Variants in ASPH observed in about 807,000 individuals in gnomAD.
ASPH encodes aspartate beta-hydroxylase, also known as aspartyl/asparaginyl beta-hydroxylase.
In ASPH, 100 loss-of-function variants were observed where a neutral mutation model predicts 118.4. The observed-to-expected ratio is 0.84, with a 90% CI of 0.72 to 1.00. The LOEUF (loss-of-function observed/expected upper bound fraction) is 1.00. ASPH is among the 50% of genes least tolerant of loss of function. The pLI is 0.00. For missense variants in ASPH, 920 were observed against 919.5 expected, an observed-to-expected ratio of 1.00 and a Z score of -0.01; for synonymous variants, 315 against 325.6, an observed-to-expected ratio of 0.97 and a Z score of 0.35.
At position 61,505,256 on chromosome 8, in the gene ASPH, G is replaced by A. The variant is rs530859723; in HGVS notation, c.2127-1747C>T. ...CACGCCTGTAATCTCAGCACTTTGGGAGGCTGAGGACAGTGGATCACAAGG... is the reference window on the plus strand; with the variant it reads ...CACGCCTGTAATCTCAGCACTTTGGAAGGCTGAGGACAGTGGATCACAAGG... On this transcript the variant is annotated intron_variant, in intron 24 of 24. Coordinates refer to ENST00000379454, the MANE Select transcript of ASPH (RefSeq NM_004318.4). Among the ~76,000 whole-genome samples the A allele has an allele frequency of 6.2e-4, 94 of 152,286 alleles. 1 individual carries two copies. Among genetic ancestry groups the A allele is most frequent in the African/African-American group, 2.1e-3 (87 of 41,562 alleles).
intron 13 of ASPH, among the ~76,000 whole-genome samples, chr8:61,630,412 T>C (rs1361730370): frequency 6.6e-6 from 1 of 152,124 alleles, no homozygotes; most frequent in East Asian, 1.9e-4. Flanking sequence ...TTTATGAAGA[T>C]TGCACAAGTG....
chr8:61,595,863 C>T (rs1221891721), intron 14 of ASPH, among the ~76,000 whole-genome samples: 1 of 152,132 alleles, frequency 6.6e-6, no homozygotes, highest in Non-Finnish European at 1.5e-5. Context: ...CTAAGCATAT[C>T]ATCTGGAAGC....
intron 16 of ASPH, among the ~76,000 whole-genome samples, chr8:61,568,147 G>A (rs909827830): frequency 2.0e-5 from 3 of 152,146 alleles, no homozygotes; most frequent in Non-Finnish European, 2.9e-5. Flanking sequence ...GACAATGGGG[G>A]CTTTTGAAAT....
At chr8:61,537,672 T>C (rs1820147351) in intron 21 of ASPH, among the ~76,000 whole-genome samples, 2 of 152,194 alleles carry the variant, frequency 1.3e-5, no homozygotes. Context: ...TCTATCTGTG[T>C]AGCATATTGA....
intron 1 of ASPH, chr8:61,689,874 C>T: frequency 7.5e-7 from 1 of 1,327,186 alleles, no homozygotes. Flanking sequence ...AAACTCTGCT[C>T]ACCAGTTATT....
At chr8:61,688,220 AT>A (rs1831314386) in intron 1 of ASPH, among the ~76,000 whole-genome samples, 2 of 152,182 alleles carry the variant, frequency 1.3e-5, no homozygotes, top group African/African-American at 4.8e-5. Context: ...CTAAGTCTTC[AT>A]TTCATTTTCT....
intron 1 of ASPH, among the ~76,000 whole-genome samples, chr8:61,687,099 A>C (rs553386742): frequency 1.0e-3 from 158 of 152,282 alleles, no homozygotes; most frequent in Non-Finnish European, 1.8e-3. Flanking sequence ...TTAAAAAAAA[A>C]ATTAAAAAGT....
intron 3 of ASPH, chr8:61,665,511 CTT>C (rs1390889276): frequency 1.3e-6 from 2 of 1,566,154 alleles, no homozygotes; most frequent in South Asian, 1.2e-5. Context: ...CGGACATCCT[CTT>C]TCTTCCCCTT....
In ASPH at chr8:61,501,783, G is replaced by A. The variant is rs551487162; in HGVS notation, c.*1576C>T. ...AAAGTATTTTGCAAACTCATCTACT[G>A]GAAGCTAATCTCCTTAAGGTCAAGC... On this transcript the variant is annotated 3_prime_UTR_variant, in exon 25 of 25. Transcript: ENST00000379454. The A allele has an allele frequency of 1.3e-5, 2 of 152,240 alleles. No individual in the cohort carries two copies. Among genetic ancestry groups the A allele is most frequent in the Non-Finnish European group, 2.9e-5 (2 of 68,016 alleles). 9.4% of individuals were successfully genotyped at this position (152,240 alleles called of 1,614,324 possible). A position where few individuals can be genotyped will look rare whatever the true frequency, so the allele number is the denominator to read the frequency against.
chr8:61,686,578 C>T (rs780784458), intron 1 of ASPH, among the ~76,000 whole-genome samples: 6 of 152,094 alleles, frequency 3.9e-5, no homozygotes, highest in Non-Finnish European at 5.9e-5. Flanking sequence ...CAAAAAAGAA[C>T]GCTTATTTCT....
chr8:61,609,392 T>TGG (rs10668521), intron 14 of ASPH, among the ~76,000 whole-genome samples: 152,074 of 152,274 alleles, frequency 1, 75,937 homozygotes, highest in Middle Eastern at 1. Flanking sequence ...ACACTGCCTG[T>TGG]GAGATGCCTA....
chr8:61,675,424 G>A (rs554983551), intron 3 of ASPH: 1 of 984,090 alleles, frequency 1.0e-6, no homozygotes, highest in Admixed American at 6.2e-5. Context: ...AATATGTCAT[G>A]CTACTATCTG....
Position 61,651,043 on chromosome 8 carries a change from T to G in ASPH, c.490+7A>C, listed in dbSNP as rs374455240. The G allele has an allele frequency of 6.2e-7, 1 of 1,606,986 alleles. No homozygotes were observed. On this transcript the variant is annotated splice_region_variant and intron_variant, in intron 5 of 24. Coordinates refer to ENST00000379454, the MANE Select transcript of ASPH (RefSeq NM_004318.4). ...ACTCAAAACAAAGAGCAGATTTTAA[T>G]TCATACCATGTTCTGCGTGTACCAT... is the stretch of plus-strand genomic sequence containing the variant.
chr8:61,505,757 A>C (rs997631239), intron 24 of ASPH, among the ~76,000 whole-genome samples: 4 of 152,216 alleles, frequency 2.6e-5, no homozygotes, highest in African/African-American at 9.7e-5. Context: ...AAAAGACAGA[A>C]ATCTATGGAC....
At chr8:61,525,471 C>T (rs1313736829) in intron 22 of ASPH, among the ~76,000 whole-genome samples, 1 of 152,098 alleles carries the variant, frequency 6.6e-6, no homozygotes, top group Non-Finnish European at 1.5e-5. Context: ...AGAGCTGAGA[C>T]AGCAGTTATT....
chr8:61,595,258 G>A (rs1842203201), intron 14 of ASPH, among the ~76,000 whole-genome samples: 1 of 152,190 alleles, frequency 6.6e-6, no homozygotes, highest in African/African-American at 2.4e-5. Flanking sequence ...ACCCAACTGT[G>A]AAGATCCTGG....
intron 15 of ASPH, among the ~76,000 whole-genome samples, chr8:61,579,820 G>T (rs1305686613): frequency 6.6e-6 from 1 of 151,530 alleles, no homozygotes; most frequent in Non-Finnish European, 1.5e-5. Flanking sequence ...TACTACCTGG[G>T]GACCCCCCTT....
intron 1 of ASPH, among the ~76,000 whole-genome samples, chr8:61,696,989 T>C (rs913834686): frequency 1.3e-5 from 2 of 152,212 alleles, no homozygotes; most frequent in African/African-American, 4.8e-5. Context: ...TCTTTGACTT[T>C]AACCTATTTT....
intron 24 of ASPH, 118 bp from the exon 25 acceptor site, chr8:61,503,627 ATAAC>A (rs1805356795): frequency 4.2e-6 from 4 of 962,566 alleles, no homozygotes; most frequent in Admixed American, 3.4e-5. Flanking sequence ...ACATAACCAA[ATAAC>A]TAGAACATCA....
Sources: allele counts gnomAD v4.1 joint callset (sites outside exome capture counted in the v4.1 genomes callset), GRCh38; gene constraint gnomAD v4.1.1; transcripts MANE v1.5; gene names NCBI Gene and HGNC (gene_info 2026-07-23, HGNC 2026-07-21).